The following DACH2 variants were observed in gnomAD, a reference collection of about 807,000 sequenced individuals.
The protein encoded by DACH2 is dachshund homolog 2.
DACH2 carries 17 observed loss-of-function variants against 35.8 expected under a neutral mutation model. The observed-to-expected ratio is 0.48, with a 90% CI of 0.33 to 0.71. The LOEUF is 0.71. DACH2 is among the 30% of genes least tolerant of loss of function. The pLI is 0.02. For missense variants in DACH2, 469 were observed against 472.7 expected (o/e 0.99, Z 0.07); for synonymous variants, 195 against 177.3 (o/e 1.10, Z -0.79).
chrX:86,384,913 A>T (rs1003811236), intron 2 of DACH2, among the ~76,000 whole-genome samples: 1 of 111,830 alleles, frequency 8.9e-6, no homozygotes, highest in African/African-American at 3.2e-5. Flanking sequence ...CACGCTTTAC[A>T]ATTAGGAGAG....
chrX:86,660,786 G>A (rs1391788255), intron 4 of DACH2, among the ~76,000 whole-genome samples: 2 of 110,960 alleles, frequency 1.8e-5, no homozygotes, highest in Non-Finnish European at 3.8e-5. Context: ...TAGTAATTCT[G>A]CACTGTCATG....
chrX:86,803,281 A>AT (rs1277715199), intron 7 of DACH2, among the ~76,000 whole-genome samples: 1 of 111,720 alleles, frequency 9.0e-6, no homozygotes, highest in Non-Finnish European at 1.9e-5. Flanking sequence ...TATGCTTTAA[A>AT]TTTTTTTGCT....
chrX:86,536,125 G>A lies in DACH2; in HGVS notation c.640+21734G>A, dbSNP rs777835933. Among the ~76,000 whole-genome samples the A allele has an allele frequency of 2.4e-3, 261 of 110,828 alleles. 1 individual carries two copies. Among genetic ancestry groups the A allele is most frequent in the African/African-American group, 7.3e-3 (222 of 30,509 alleles). The stretch of plus-strand genomic sequence containing the variant: ...GAGAGAAGACACAGGGAAGCTTACA[G>A]CAAAATTTTTGCTGTTTATAGCTTT... On this transcript the variant is annotated intron_variant, in intron 3 of 11. Coordinates refer to ENST00000373125, the MANE Select transcript of DACH2 (RefSeq NM_053281.3).
chrX:86,376,778 A>G (rs1271196099), intron 1 of DACH2, 46 bp from the exon 2 acceptor site: 2 of 1,117,412 alleles, frequency 1.8e-6, no homozygotes, highest in Admixed American at 6.0e-5. Flanking sequence ...AGAACTCTCA[A>G]TTAACCAGTT....
At chrX:86,657,646 G>A (rs1177249508) in intron 4 of DACH2, among the ~76,000 whole-genome samples, 1 of 110,689 alleles carries the variant, frequency 9.0e-6, no homozygotes, top group Non-Finnish European at 1.9e-5. Flanking sequence ...ACAATTTTTG[G>A]TTCTTATAAG....
chrX:86,484,310 G>T (rs192528503), intron 2 of DACH2, among the ~76,000 whole-genome samples: 2 of 111,932 alleles, frequency 1.8e-5, no homozygotes, highest in Admixed American at 9.5e-5. Context: ...GGGCTCTGCA[G>T]ATGTGCAAAG....
intron 3 of DACH2, among the ~76,000 whole-genome samples, chrX:86,531,091 T>C (rs1018467789): frequency 2.7e-5 from 3 of 112,003 alleles, no homozygotes; most frequent in Admixed American, 9.5e-5. Flanking sequence ...GACATGACTT[T>C]TTCTAAAAGT....
intron 3 of DACH2, among the ~76,000 whole-genome samples, chrX:86,611,204 C>T (rs771280034): frequency 8.1e-5 from 9 of 110,742 alleles, no homozygotes; most frequent in South Asian, 7.9e-4. Flanking sequence ...TGTCTAGAAA[C>T]GTTTTTTGGG....
At chrX:86,809,448 T>C (rs1462038168) in intron 7 of DACH2, among the ~76,000 whole-genome samples, 2 of 111,204 alleles carry the variant, frequency 1.8e-5, no homozygotes, top group Non-Finnish European at 3.8e-5. Flanking sequence ...AAAAATATAT[T>C]ACAAGATTGA....
At chrX:86,695,843 C>T (rs1003810483) in intron 5 of DACH2, among the ~76,000 whole-genome samples, 22 of 110,957 alleles carry the variant, frequency 2.0e-4, no homozygotes, top group Non-Finnish European at 3.4e-4. Flanking sequence ...CATTGTTAGA[C>T]GTTGGAGAAG....
At chrX:86,829,364 G>A (rs944271779) in intron 11 of DACH2, 9 of 112,064 alleles carry the variant, frequency 8.0e-5, no homozygotes, top group African/African-American at 2.9e-4. Flanking sequence ...ATCCAAGAAA[G>A]TCTCATCATT....
intron 3 of DACH2, among the ~76,000 whole-genome samples, chrX:86,630,957 C>T (rs960440939): frequency 1.8e-5 from 2 of 111,818 alleles, no homozygotes; most frequent in Admixed American, 9.5e-5. Flanking sequence ...AGTGTATTCT[C>T]TCTTAATATC....
chrX:86,648,726 C>T (rs2040443091), intron 3 of DACH2, among the ~76,000 whole-genome samples: 1 of 110,369 alleles, frequency 9.1e-6, no homozygotes, highest in African/African-American at 3.3e-5. Flanking sequence ...AAGTTGTACA[C>T]ATTATATATG....
chrX:86,506,129 A>G (rs942785737), intron 2 of DACH2, among the ~76,000 whole-genome samples: 10 of 111,730 alleles, frequency 9.0e-5, no homozygotes, highest in Non-Finnish European at 1.7e-4. Context: ...GTTTTCTTCT[A>G]GGGTCTTACA....
intron 7 of DACH2, among the ~76,000 whole-genome samples, chrX:86,755,083 C>A (rs1048145225): frequency 6.3e-5 from 7 of 111,207 alleles, no homozygotes; most frequent in Admixed American, 2.9e-4. Flanking sequence ...TCCTTGCCAG[C>A]ATCTGTTATT....
At position 86,682,919 on chromosome X, in the gene DACH2, T is replaced by C. The variant is rs945183384; in HGVS notation, c.773-12102T>C. On this transcript the variant is annotated intron_variant, in intron 4 of 11. Transcript: ENST00000373125. ...GTGATAAAATTAGAATTATTCAGTC[T>C]AATGCCTCAGCTTAACAAACATGTT... Among the ~76,000 whole-genome samples the C allele has an allele frequency of 2.7e-5, 3 of 111,599 alleles. No individual in the cohort carries two copies. In the East Asian group the frequency reaches 8.4e-4, roughly 31 times the overall value.
At chrX:86,265,880 G>T (rs766361213) in intron 1 of DACH2, among the ~76,000 whole-genome samples, 2 of 111,371 alleles carry the variant, frequency 1.8e-5, no homozygotes, top group South Asian at 7.6e-4. Flanking sequence ...GTATTATGTA[G>T]ACAGTATTAT....
chrX:86,179,906 C>A (rs1015384725), intron 1 of DACH2, among the ~76,000 whole-genome samples: 5 of 108,726 alleles, frequency 4.6e-5, no homozygotes, highest in Non-Finnish European at 9.6e-5. Context: ...AAACCCAGAA[C>A]AAATATAGTC....
intron 2 of DACH2, among the ~76,000 whole-genome samples, chrX:86,489,987 G>A (rs769197980): frequency 1.3e-4 from 14 of 111,926 alleles, no homozygotes; most frequent in Non-Finnish European, 2.1e-4. Context: ...TGTCATTAAC[G>A]TTTACTTAAG....
Sources: allele counts gnomAD v4.1 joint callset (sites outside exome capture counted in the v4.1 genomes callset), GRCh38; gene constraint gnomAD v4.1.1; transcripts MANE v1.5; gene names NCBI Gene and HGNC (gene_info 2026-07-23, HGNC 2026-07-21).